SIM2: variants seen among roughly 807,000 people sequenced by gnomAD.
SIM2 encodes the protein single-minded homolog 2.
A neutral mutation model predicts 64.8 loss-of-function variants in SIM2; 28 were observed. That is an observed-to-expected ratio of 0.43 (90% CI 0.32 to 0.59). The LOEUF is 0.59. Ranked by LOEUF, SIM2 falls within the 20% of genes least tolerant of loss-of-function variation. SIM2 has a pLI of 0.07. For missense variants in SIM2, 847 were observed against 871.4 expected (o/e 0.97, Z 0.35); for synonymous variants, 408 against 391.1 (o/e 1.04, Z -0.51).
intron 1 of SIM2, among the ~76,000 whole-genome samples, chr21:36,707,814 C>A (rs375109377): frequency 1.3e-5 from 2 of 152,030 alleles, no homozygotes; most frequent in Non-Finnish European, 2.9e-5. Context: ...AAGGGCTTTG[C>A]GGCCCCGGGA....
intron 7 of SIM2, among the ~76,000 whole-genome samples, chr21:36,733,033 G>C (rs973496441): frequency 6.6e-6 from 1 of 152,182 alleles, no homozygotes; most frequent in Non-Finnish European, 1.5e-5. Context: ...TGGGGCGGAG[G>C]GGCTGACCAG....
intron 6 of SIM2, among the ~76,000 whole-genome samples, chr21:36,729,193 G>T (rs983088489): frequency 3.9e-5 from 6 of 152,204 alleles, no homozygotes; most frequent in Non-Finnish European, 7.3e-5. Flanking sequence ...TGCATCCAAA[G>T]GGTCTGGGAA....
At chr21:36,720,073 A>G in intron 4 of SIM2, 144 bp downstream of exon 4, 1 of 621,772 alleles carries the variant, frequency 1.6e-6, no homozygotes, top group Non-Finnish European at 2.9e-6. Context: ...ATACACACAC[A>G]GCACCCACCA....
chr21:36,737,283 G>A (rs2089077000), intron 7 of SIM2, among the ~76,000 whole-genome samples: 2 of 152,190 alleles, frequency 1.3e-5, no homozygotes, highest in South Asian at 4.1e-4. Context: ...TGGAACCACT[G>A]TGACCCTCCC....
intron 6 of SIM2, among the ~76,000 whole-genome samples, chr21:36,729,258 A>G (rs1601701843): frequency 6.6e-6 from 1 of 152,154 alleles, no homozygotes; most frequent in East Asian, 1.9e-4. Flanking sequence ...GGGGGAAAAC[A>G]GACGGCTCAA....
At position 36,739,341 on chromosome 21, in the gene SIM2, G is replaced by T. The variant is rs1196097178; in HGVS notation, c.851-2376G>T. 2.6e-5 allele frequency among the ~76,000 whole-genome samples: 4 copies of T among 152,274 alleles called. No individual in the cohort carries two copies. The East Asian group carries it at 7.7e-4, about 29-fold the overall frequency. On this transcript the variant is annotated intron_variant, in intron 7 of 10. Coordinates refer to ENST00000290399, the MANE Select transcript of SIM2 (RefSeq NM_005069.6). ...AGGATCACACAGTTTGTTGGAGGGGGTAGTGTATGCACGTGCCCACTTTTT... is the reference window on the plus strand; with the variant it reads ...AGGATCACACAGTTTGTTGGAGGGGTTAGTGTATGCACGTGCCCACTTTTT...
intron 1 of SIM2, among the ~76,000 whole-genome samples, chr21:36,700,445 C>G (rs2088475186): frequency 6.6e-6 from 1 of 151,032 alleles, no homozygotes; most frequent in South Asian, 2.1e-4. Context: ...TCCTTTTCTG[C>G]TTTCCTTCCT....
intron 9 of SIM2, 138 bp downstream of exon 9, chr21:36,743,693 G>A: frequency 1.2e-6 from 1 of 851,716 alleles, no homozygotes; most frequent in Non-Finnish European, 1.8e-6. Flanking sequence ...CCTCTGGGAT[G>A]TCTTGCCTAC....
At chr21:36,728,497 C>T (rs2088923224) in intron 6 of SIM2, among the ~76,000 whole-genome samples, 1 of 152,206 alleles carries the variant, frequency 6.6e-6, no homozygotes, top group South Asian at 2.1e-4. Flanking sequence ...AGGGGCTGCA[C>T]CCCTGGAGTG....
At chr21:36,735,140 C>A (rs1426916303) in intron 7 of SIM2, among the ~76,000 whole-genome samples, 2 of 152,164 alleles carry the variant, frequency 1.3e-5, no homozygotes, top group African/African-American at 4.8e-5. Flanking sequence ...GGTATTGATA[C>A]CCCTGTGCCT....
intron 7 of SIM2, among the ~76,000 whole-genome samples, chr21:36,732,650 C>G (rs2088986362): frequency 6.6e-6 from 1 of 152,232 alleles, no homozygotes. Context: ...GTGAACAACC[C>G]TTTTGTGTCT....
intron 4 of SIM2, among the ~76,000 whole-genome samples, chr21:36,722,636 G>A (rs993559113): frequency 2.0e-5 from 3 of 150,516 alleles, no homozygotes; most frequent in African/African-American, 7.4e-5. Context: ...TGGTCCTTCT[G>A]GGGCTAGAAA....
rs750188265 is a variant in SIM2, at chr21:36,719,943, A to AG, written c.457+17dup. On this transcript the variant is annotated intron_variant, in intron 4 of 10. Coordinates refer to ENST00000290399, the MANE Select transcript of SIM2 (RefSeq NM_005069.6). ...ACCTGCTCCAAGGTATTCCATCCAG[A>AG]GGGAAAAAAAAAAACAGACTAAAAG... The AG allele has an allele frequency of 4.3e-5, 65 of 1,498,696 alleles. No homozygotes were observed. Among genetic ancestry groups the AG allele is most frequent in the Non-Finnish European group, 5.6e-5 (61 of 1,084,816 alleles). The allele number at this position is 1,498,696 out of a possible 1,614,324, so 92.8% of individuals were successfully genotyped here.
At chr21:36,707,973 G>GTTCCTGGGATGGGGAGCGGGCAT (rs780782783) in intron 1 of SIM2, among the ~76,000 whole-genome samples, 3 of 150,992 alleles carry the variant, frequency 2.0e-5, no homozygotes, top group Admixed American at 2.0e-4. Context: ...GCCTGGCCCA[G>GTTCCTGGGATGGGGAGCGGGCAT]CGTGGGTTGG....
chr21:36,741,612 C>T (rs1442079408), intron 7 of SIM2, 105 bp from the exon 8 acceptor site: 5 of 1,354,932 alleles, frequency 3.7e-6, no homozygotes, highest in African/African-American at 1.4e-5. Context: ...CCCCCTTTGT[C>T]AAGTTCTCAG....
intron 7 of SIM2, among the ~76,000 whole-genome samples, chr21:36,733,317 T>C (rs1007647919): frequency 2.6e-5 from 4 of 151,732 alleles, no homozygotes; most frequent in Non-Finnish European, 1.5e-5. Context: ...CTCTGCCTCC[T>C]GGGTTCAAGC....
At chr21:36,719,509 C>T (rs1223414368) in intron 3 of SIM2, among the ~76,000 whole-genome samples, 2 of 152,212 alleles carry the variant, frequency 1.3e-5, no homozygotes, top group Admixed American at 1.3e-4. Flanking sequence ...GCTGCCCAGG[C>T]CAGCAGCGCC....
chr21:36,733,942 C>T (rs898171053), intron 7 of SIM2, among the ~76,000 whole-genome samples: 17 of 152,196 alleles, frequency 1.1e-4, no homozygotes, highest in Admixed American at 4.6e-4. Context: ...TCCTCTGTGT[C>T]CATCATGGGT....
chr21:36,729,316 G>A (rs1196949931), intron 6 of SIM2, among the ~76,000 whole-genome samples: 3 of 152,034 alleles, frequency 2.0e-5, no homozygotes, highest in Admixed American at 6.5e-5. Context: ...GAAGTTCTAG[G>A]TGGCCCTTAG....
Sources: allele counts gnomAD v4.1 joint callset (sites outside exome capture counted in the v4.1 genomes callset), GRCh38; gene constraint gnomAD v4.1.1; transcripts MANE v1.5; gene names NCBI Gene and HGNC (gene_info 2026-07-23, HGNC 2026-07-21).